TMEFF2: variants seen among roughly 807,000 people sequenced by gnomAD.
TMEFF2 encodes the protein transmembrane protein with EGF like and two follistatin like domains 2.
Under a neutral mutation model 53.8 loss-of-function variants are expected in TMEFF2, and 28 were observed. That is an observed-to-expected ratio of 0.52 (90% CI 0.39 to 0.71). TMEFF2 has a LOEUF of 0.71. Among genes scored for constraint, TMEFF2 ranks in the 30% least tolerant of loss-of-function variants. The pLI is 0.00. For missense variants in TMEFF2, 353 were observed against 455.2 expected, an observed-to-expected ratio of 0.78 and a Z score of 2.04; for synonymous variants, 162 against 166.3, an observed-to-expected ratio of 0.97 and a Z score of 0.20.
intron 4 of TMEFF2, among the ~76,000 whole-genome samples, chr2:192,079,975 T>G (rs1230322168): frequency 2.0e-5 from 3 of 152,180 alleles, no homozygotes; most frequent in Non-Finnish European, 4.4e-5. Flanking sequence ...ACCAAAAGTA[T>G]GCGGTGATAG....
intron 4 of TMEFF2, among the ~76,000 whole-genome samples, chr2:192,091,387 C>G (rs911280693): frequency 6.6e-6 from 1 of 152,068 alleles, no homozygotes; most frequent in Non-Finnish European, 1.5e-5. Context: ...CTCCCCTGCC[C>G]CTAACTCCCC....
intron 4 of TMEFF2, among the ~76,000 whole-genome samples, chr2:192,102,447 T>C (rs1229356455): frequency 6.6e-6 from 1 of 152,014 alleles, no homozygotes; most frequent in Non-Finnish European, 1.5e-5. Context: ...TGCTTCTCTT[T>C]CTCCTCACTC....
At chr2:192,061,867 C>A (rs1021990807) in intron 4 of TMEFF2, among the ~76,000 whole-genome samples, 2 of 152,046 alleles carry the variant, frequency 1.3e-5, no homozygotes, top group African/African-American at 4.8e-5. Context: ...TCTCTTGCTC[C>A]CCGTCTCGCC....
intron 7 of TMEFF2, among the ~76,000 whole-genome samples, chr2:191,989,885 A>G (rs1183787478): frequency 6.6e-6 from 1 of 152,074 alleles, no homozygotes; most frequent in African/African-American, 2.4e-5. Flanking sequence ...CTTCAATGAA[A>G]TTCTCACCTT....
At chr2:192,116,524 A>G (rs1689410664) in intron 4 of TMEFF2, among the ~76,000 whole-genome samples, 1 of 151,962 alleles carries the variant, frequency 6.6e-6, no homozygotes, top group African/African-American at 2.4e-5. Flanking sequence ...AAATGAATCA[A>G]TTCAATATAT....
chr2:192,074,584 C>T (rs1260647905), intron 4 of TMEFF2, among the ~76,000 whole-genome samples: 1 of 151,830 alleles, frequency 6.6e-6, no homozygotes, highest in African/African-American at 2.4e-5. Flanking sequence ...AACACGGAAG[C>T]TAGTAGCCAC....
intron 4 of TMEFF2, among the ~76,000 whole-genome samples, chr2:192,065,522 C>T (rs1403546547): frequency 6.6e-6 from 1 of 151,762 alleles, no homozygotes; most frequent in Non-Finnish European, 1.5e-5. Context: ...ACATTTTATG[C>T]AGATATTAAT....
intron 4 of TMEFF2, among the ~76,000 whole-genome samples, chr2:192,070,012 A>G (rs1280395724): frequency 0.1 from 1,749 of 16,922 alleles, 25 homozygotes; most frequent in Non-Finnish European, 0.13. Context: ...ATATATATAT[A>G]TATATATATA....
chr2:192,134,616 T>C (rs1218070943), intron 4 of TMEFF2, among the ~76,000 whole-genome samples: 5 of 152,158 alleles, frequency 3.3e-5, no homozygotes, highest in Non-Finnish European at 7.3e-5. Flanking sequence ...CACTTCAAGC[T>C]CGAAGCTTTG....
rs558431597 is a variant in TMEFF2, at chr2:192,051,521, T to A, written c.536+6158A>T. Among the ~76,000 whole-genome samples the A allele has an allele frequency of 2.0e-5, 3 of 152,334 alleles. No homozygotes were observed. In the East Asian group the frequency reaches 5.8e-4, roughly 29 times the overall value. On this transcript the variant is annotated intron_variant, in intron 5 of 9. Transcript: ENST00000272771. ...GTTCAATTGTCAACCAGGAGTGGTT[T>A]TAAATAAAACCACTTTCTGTATTTT... is the stretch of plus-strand genomic sequence containing the variant.
rs750923032 is a variant in TMEFF2, at chr2:192,002,604, C to T, written c.537-3396G>A. Among the ~76,000 whole-genome samples, 7 of 151,932 alleles carry T rather than the reference C, an allele frequency of 4.6e-5. 1 individual carries two copies. The highest frequency in any genetic ancestry group is 4.2e-4 in the South Asian group (2 of 4,806). On this transcript the variant is annotated intron_variant, in intron 5 of 9. Coordinates refer to ENST00000272771, the MANE Select transcript of TMEFF2 (RefSeq NM_016192.4). ...CAGCACCCTGGGAGGCCAAGGTGGGCGGATCACCTGAGTTCAGCAGTTGGA... is the reference window on the plus strand; with the variant it reads ...CAGCACCCTGGGAGGCCAAGGTGGGTGGATCACCTGAGTTCAGCAGTTGGA...
intron 4 of TMEFF2, among the ~76,000 whole-genome samples, chr2:192,088,311 C>A (rs997413826): frequency 6.6e-6 from 1 of 152,048 alleles, no homozygotes; most frequent in African/African-American, 2.4e-5. Flanking sequence ...CTCACACTGC[C>A]TTTACTAACA....
intron 5 of TMEFF2, among the ~76,000 whole-genome samples, chr2:192,022,464 T>G (rs1686879317): frequency 6.6e-6 from 1 of 152,226 alleles, no homozygotes; most frequent in Admixed American, 6.5e-5. Context: ...CATGTTCTAC[T>G]TTATTACTTT....
chr2:192,001,058 G>T (rs1053576173), intron 5 of TMEFF2, among the ~76,000 whole-genome samples: 1 of 152,140 alleles, frequency 6.6e-6, no homozygotes, highest in Non-Finnish European at 1.5e-5. Flanking sequence ...GACTCTGTAG[G>T]CCAAGCCTTA....
intron 4 of TMEFF2, among the ~76,000 whole-genome samples, chr2:192,095,081 T>C (rs1298827352): frequency 1.3e-5 from 2 of 152,202 alleles, no homozygotes. Flanking sequence ...AATGGATGTA[T>C]TCTCCTCTAG....
At chr2:192,120,876 C>A (rs1050157437) in intron 4 of TMEFF2, among the ~76,000 whole-genome samples, 2 of 152,008 alleles carry the variant, frequency 1.3e-5, no homozygotes, top group Non-Finnish European at 2.9e-5. Flanking sequence ...AGCTGGACTA[C>A]AGGTGGGCGT....
chr2:192,146,669 G>A (rs17433560), intron 4 of TMEFF2, among the ~76,000 whole-genome samples: 42,130 of 151,816 alleles, frequency 0.28, 6,738 homozygotes, highest in Admixed American at 0.35. Context: ...GTGTGTGTAA[G>A]TTATTCTCCA....
chr2:191,990,304 C>G (rs1261389122), intron 7 of TMEFF2, among the ~76,000 whole-genome samples: 1 of 151,960 alleles, frequency 6.6e-6, no homozygotes, highest in Admixed American at 6.6e-5. Context: ...TATATAGTTT[C>G]AAATCATTAA....
Position 192,184,482 on chromosome 2 carries a change from C to T in TMEFF2, c.284G>A (p.Cys95Tyr). 6.2e-7 allele frequency: 1 copy of T among 1,613,052 alleles called. No homozygotes were observed. The highest frequency in any genetic ancestry group is 8.5e-7 in the Non-Finnish European group (1 of 1,179,376). ...ACACACAGGCACATAGTCATTGTTG[C>T]ACTGGGAAACACACAGATGTAAGCC... ...DTVTCVCQFK[C>Y]NNDYVPVCGS... The change falls in exon 3 of 10, where the codon TGC (cysteine) becomes TAC (tyrosine). Residue 95 changes from cysteine to tyrosine, a missense_variant and splice_region_variant. Cys to Tyr is a radical substitution (Grantham distance 194, BLOSUM62 -2). Transcript: ENST00000272771.
Sources: gnomAD v4.1 joint callset for allele counts (sites outside exome capture counted in the v4.1 genomes callset) on GRCh38, gnomAD v4.1.1 for gene constraint, MANE v1.5 for transcripts, NCBI Gene and HGNC (gene_info 2026-07-23, HGNC 2026-07-21) for gene names.